GPC5: variants seen among roughly 807,000 people sequenced by gnomAD.
The protein encoded by GPC5 is glypican 5, also known as glypican-5.
GPC5 carries 47 observed loss-of-function variants against 53.9 expected under a neutral mutation model. That is an observed-to-expected ratio of 0.87 (90% CI 0.69 to 1.11). The LOEUF (loss-of-function observed/expected upper bound fraction) is 1.11. Ranked by LOEUF, GPC5 falls within the 50% of genes most tolerant of loss-of-function variation. GPC5 has a pLI of 0.00. For missense variants in GPC5, 748 were observed against 713.1 expected (o/e 1.05, Z -0.56); for synonymous variants, 286 against 263.3 (o/e 1.09, Z -0.84).
intron 5 of GPC5, among the ~76,000 whole-genome samples, chr13:91,865,590 G>A (rs758141621): frequency 2.6e-5 from 4 of 152,166 alleles, no homozygotes; most frequent in East Asian, 1.9e-4. Flanking sequence ...CTACACTAAC[G>A]TCACATTTTT....
intron 7 of GPC5, among the ~76,000 whole-genome samples, chr13:92,414,553 G>T (rs544933057): frequency 3.2e-4 from 49 of 151,998 alleles, no homozygotes; most frequent in African/African-American, 1.0e-3. Context: ...AGTACAGAGT[G>T]CTTTGAGAGT....
At chr13:92,273,139 G>A (rs1449897668) in intron 7 of GPC5, among the ~76,000 whole-genome samples, 1 of 152,014 alleles carries the variant, frequency 6.6e-6, no homozygotes, top group African/African-American at 2.4e-5. Context: ...TAGTCACAAT[G>A]TTTCCTTTAT....
At chr13:91,524,919 T>A (rs1039878667) in intron 2 of GPC5, among the ~76,000 whole-genome samples, 2 of 152,224 alleles carry the variant, frequency 1.3e-5, no homozygotes, top group Admixed American at 1.3e-4. Flanking sequence ...TATGTATTTA[T>A]CTTTTAAAAT....
chr13:91,557,104 G>A (rs1264073660), intron 2 of GPC5, among the ~76,000 whole-genome samples: 1 of 152,070 alleles, frequency 6.6e-6, no homozygotes, highest in Non-Finnish European at 1.5e-5. Flanking sequence ...GTAATTATGT[G>A]TTTGGTTGTA....
chr13:92,800,936 C>G (rs1298398040), intron 7 of GPC5, among the ~76,000 whole-genome samples: 1 of 150,690 alleles, frequency 6.6e-6, no homozygotes, highest in East Asian at 2.0e-4. Context: ...ATTGTTGTGT[C>G]AACAGATATT....
At chr13:91,677,697 G>C (rs1401009740) in intron 2 of GPC5, among the ~76,000 whole-genome samples, 3 of 151,836 alleles carry the variant, frequency 2.0e-5, no homozygotes, top group African/African-American at 4.8e-5. Flanking sequence ...TTTTTGAATT[G>C]GTAAATGTTT....
intron 7 of GPC5, among the ~76,000 whole-genome samples, chr13:92,578,019 G>T (rs1312351648): frequency 6.6e-6 from 1 of 152,172 alleles, no homozygotes; most frequent in African/African-American, 2.4e-5. Context: ...AGGTTTATTT[G>T]TGAAAATAGT....
intron 7 of GPC5, among the ~76,000 whole-genome samples, chr13:92,755,708 G>A (rs375812640): frequency 2.9e-5 from 4 of 137,114 alleles, no homozygotes; most frequent in African/African-American, 5.4e-5. Context: ...ACACCTCTAC[G>A]CAAATAAACT....
At chr13:92,232,844 T>A (rs10492503) in intron 7 of GPC5, among the ~76,000 whole-genome samples, 53,477 of 152,086 alleles carry the variant, frequency 0.35, 9,866 homozygotes, top group African/African-American at 0.46. Context: ...ACTATAATTG[T>A]AGCAGTTATC....
rs752681725 is a variant in GPC5 at position 92,144,929 on chromosome 13, G to A, written c.1501G>A (p.Glu501Lys). 1 of 1,595,216 alleles carries A rather than the reference G, an allele frequency of 6.3e-7. No homozygotes were observed. Among genetic ancestry groups the A allele is most frequent in the East Asian group, 2.3e-5 (1 of 43,720 alleles). Residue 501 changes from glutamate (E) to lysine (K), a missense_variant, in exon 7 of 8, where the codon GAA (glutamate) becomes AAA (lysine). By Grantham distance (56) the Glu-to-Lys change is moderately conservative. Transcript: ENST00000377067. ...VEQVSGDCDDEDGCGGSGSGE... is the reference protein window; with the variant it reads ...VEQVSGDCDDKDGCGGSGSGE... ...ACAAGTCAGTGGGGACTGTGATGATGAAGATGGTTGCGGGGGATCAGGAAG... is the reference window on the plus strand; with the variant it reads ...ACAAGTCAGTGGGGACTGTGATGATAAAGATGGTTGCGGGGGATCAGGAAG...
chr13:91,926,760 C>A (rs1485874271), intron 6 of GPC5, among the ~76,000 whole-genome samples: 1 of 152,164 alleles, frequency 6.6e-6, no homozygotes, highest in Non-Finnish European at 1.5e-5. Context: ...GGAAAATAAT[C>A]TCATCTACCA....
At chr13:92,283,716 C>A (rs1034424856) in intron 7 of GPC5, among the ~76,000 whole-genome samples, 5 of 152,114 alleles carry the variant, frequency 3.3e-5, no homozygotes, top group African/African-American at 9.7e-5. Flanking sequence ...CACAACATAC[C>A]AGAATCTGTG....
chr13:92,331,682 G>GTTTTT (rs5805739), intron 7 of GPC5, among the ~76,000 whole-genome samples: 1 of 147,558 alleles, frequency 6.8e-6, no homozygotes, highest in Admixed American at 6.7e-5. Flanking sequence ...TATACATAGG[G>GTTTTT]TTTTTTTTTT....
At position 92,622,490 on chromosome 13, in the gene GPC5, G is replaced by T. The variant is rs564794543; in HGVS notation, c.1562-243792G>T. Among the ~76,000 whole-genome samples, 97 of 152,172 alleles carry T rather than the reference G, an allele frequency of 6.4e-4. 1 individual carries two copies. The South Asian group carries it at 9.8e-3, about 15-fold the overall frequency. ...TCCCTACTAGGACCTCGAATGTTGT[G>T]CCTGGATTAACACGAGATGAGGCAC... On this transcript the variant is annotated intron_variant, in intron 7 of 7. Transcript: ENST00000377067.
chr13:91,712,917 G>T (rs2036258500), intron 3 of GPC5, among the ~76,000 whole-genome samples: 1 of 152,178 alleles, frequency 6.6e-6, no homozygotes, highest in Non-Finnish European at 1.5e-5. Context: ...GCGGCCAGGT[G>T]CGGTGGCTCA....
intron 7 of GPC5, among the ~76,000 whole-genome samples, chr13:92,800,592 G>A (rs901446366): frequency 2.0e-5 from 3 of 151,834 alleles, no homozygotes; most frequent in Non-Finnish European, 4.4e-5. Flanking sequence ...CCTGCTTTAT[G>A]AATGAAGATA....
intron 2 of GPC5, among the ~76,000 whole-genome samples, chr13:91,650,361 A>G (rs2034668552): frequency 6.6e-6 from 1 of 152,132 alleles, no homozygotes; most frequent in African/African-American, 2.4e-5. Flanking sequence ...TACAAATAGA[A>G]TCTTGTAGTA....
chr13:92,304,821 C>T (rs1286082550), intron 7 of GPC5, among the ~76,000 whole-genome samples: 2 of 151,562 alleles, frequency 1.3e-5, no homozygotes, highest in Non-Finnish European at 2.9e-5. Flanking sequence ...CATATTTTAC[C>T]CACTGATATT....
intron 6 of GPC5, among the ~76,000 whole-genome samples, chr13:92,140,504 G>T (rs945399795): frequency 9.9e-5 from 15 of 152,120 alleles, no homozygotes; most frequent in Non-Finnish European, 1.9e-4. Flanking sequence ...TCTCATGAGG[G>T]TTTAGTTCTA....
Sources: gnomAD v4.1 joint callset for allele counts (sites outside exome capture counted in the v4.1 genomes callset) on GRCh38, gnomAD v4.1.1 for gene constraint, MANE v1.5 for transcripts, NCBI Gene and HGNC (gene_info 2026-07-23, HGNC 2026-07-21) for gene names.